Variants in ARHGEF33 observed in about 807,000 individuals in gnomAD.
ARHGEF33 encodes the protein DH and coiled-coil domain-containing protein ENSP00000381780.
ARHGEF33 carries 72 observed loss-of-function variants against 101.9 expected under a neutral mutation model. That is an observed-to-expected ratio of 0.71 (90% CI 0.58 to 0.86). The LOEUF (loss-of-function observed/expected upper bound fraction) is 0.86, where lower values mean the gene tolerates loss of function less well. ARHGEF33 is among the 40% of genes least tolerant of loss of function. The pLI is 0.00. For missense variants in ARHGEF33, 1,169 were observed against 1,111.3 expected, an observed-to-expected ratio of 1.05 and a Z score of -0.74; for synonymous variants, 499 against 442.5, an observed-to-expected ratio of 1.13 and a Z score of -1.60.
intron 8 of ARHGEF33, 108 bp from the exon 9 acceptor site, chr2:38,937,227 T>A: frequency 3.2e-6 from 2 of 630,486 alleles, no homozygotes; most frequent in African/African-American, 1.8e-5. Context: ...ATCTCCTGAC[T>A]TCGTGATCCG....
chr2:38,904,205 G>C (rs1322592420), intron 2 of ARHGEF33, among the ~76,000 whole-genome samples: 1 of 152,178 alleles, frequency 6.6e-6, no homozygotes, highest in Non-Finnish European at 1.5e-5. Flanking sequence ...GCCTACATTA[G>C]ACTTTGGAGA....
chr2:38,911,329 T>C (rs1378041400), intron 2 of ARHGEF33, among the ~76,000 whole-genome samples: 1 of 152,098 alleles, frequency 6.6e-6, no homozygotes, highest in Non-Finnish European at 1.5e-5. Flanking sequence ...TTCTACTAAA[T>C]TAGAAATGTG....
At chr2:38,893,520 T>A (rs1572735137) in intron 1 of ARHGEF33, among the ~76,000 whole-genome samples, 1 of 152,322 alleles carries the variant, frequency 6.6e-6, no homozygotes, top group East Asian at 1.9e-4. Context: ...TCAAATCCTA[T>A]CTTCTTAATG....
intron 9 of ARHGEF33, among the ~76,000 whole-genome samples, chr2:38,943,129 T>C (rs1292085254): frequency 6.6e-6 from 1 of 152,206 alleles, no homozygotes; most frequent in Non-Finnish European, 1.5e-5. Flanking sequence ...GGTTTCGCCA[T>C]GTTAGCCAGG....
rs1572753121 is a variant in ARHGEF33 at position 38,928,949 on chromosome 2, G to A, written c.118G>A (p.Ala40Thr). The part of the protein sequence containing the change: ...ASELKTGFTE[A>T]MQELSRIQHG... Reference sequence around the variant, plus strand: ...CGAACTCAAAACTGGTTTCACAGAAGCAATGCAAGAACTGTCAAGAATTCA... The same window carrying A: ...CGAACTCAAAACTGGTTTCACAGAAACAATGCAAGAACTGTCAAGAATTCA... The change falls in exon 5 of 18, where the codon GCA becomes ACA. Residue 40 changes from alanine (A) to threonine (T), a missense_variant. Coordinates refer to ENST00000409978, the MANE Select transcript of ARHGEF33 (RefSeq NM_001145451.5). 1 of 1,550,862 alleles carries A rather than the reference G, an allele frequency of 6.4e-7. No homozygotes were observed. The highest frequency in any genetic ancestry group is 8.7e-7 in the Non-Finnish European group (1 of 1,146,530).
At chr2:38,935,730 T>C (rs1428159002) in intron 7 of ARHGEF33, 45 bp from the exon 8 acceptor site, 4 of 1,513,386 alleles carry the variant, frequency 2.6e-6, no homozygotes, top group Non-Finnish European at 3.6e-6. Flanking sequence ...GCTTAGTCCA[T>C]GTTAGTGGAA....
chr2:38,934,065 A>AT (rs1013767212), intron 7 of ARHGEF33, among the ~76,000 whole-genome samples: 4 of 151,954 alleles, frequency 2.6e-5, no homozygotes, highest in African/African-American at 7.3e-5. Context: ...TTGAAAACTA[A>AT]TTTTTTTGAA....
rs780366114 is a variant in ARHGEF33 at position 38,960,568 on chromosome 2, G to C, written c.2263G>C (p.Ala755Pro). The C allele has an allele frequency of 7.8e-6, 10 of 1,275,730 alleles. No homozygotes were observed. The African/African-American group carries it at 1.6e-4, about 20-fold the overall frequency. The allele number at this position is 1,275,730 out of a possible 1,614,324, so 79.0% of individuals were successfully genotyped here. A position where few individuals can be genotyped will look rare whatever the true frequency, so the allele number is the denominator to read the frequency against. ...GCACGGCCCGGCCGCCGCCGCCGTC[G>C]CCGCCCGCGGCGCATCCAGGACCTT... The part of the protein sequence containing the change: ...QAHGPAAAAV[A>P]ARGASRTFFP... The change falls in exon 16 of 18, where the codon GCC becomes CCC. Residue 755 changes from alanine (A) to proline (P), a missense_variant. By Grantham distance (27) the Ala-to-Pro change is conservative. Transcript: ENST00000409978.
At chr2:38,922,077 T>C (rs886157050) in intron 4 of ARHGEF33, among the ~76,000 whole-genome samples, 1 of 152,142 alleles carries the variant, frequency 6.6e-6, no homozygotes, top group African/African-American at 2.4e-5. Context: ...GTCCTCTAAG[T>C]GGTATTTACT....
At chr2:38,902,427 G>T (rs1666269039) in intron 2 of ARHGEF33, among the ~76,000 whole-genome samples, 1 of 152,158 alleles carries the variant, frequency 6.6e-6, no homozygotes. Context: ...ACTCTGTAGT[G>T]AAGCATTTTA....
rs1667897348 is a variant in ARHGEF33, at chr2:38,960,477, C to G, written c.2172C>G (p.Arg724=). The change falls in exon 16 of 18, where the codon CGC becomes CGG. Residue 724 remains arginine, a synonymous_variant. Coordinates refer to ENST00000409978, the MANE Select transcript of ARHGEF33 (RefSeq NM_001145451.5). ...RAPPADGVAP[R]LYSTRSSSGG... ...CGCCAGCCGACGGCGTGGCCCCACG[C>G]CTCTACAGCACGCGCAGCAGCAGCG... 6.9e-7 allele frequency: 1 copy of G among 1,441,868 alleles called. No individual in the cohort carries two copies. Among genetic ancestry groups the G allele is most frequent in the African/African-American group, 1.5e-5 (1 of 66,698 alleles). 89.3% of individuals were successfully genotyped at this position (1,441,868 alleles called of 1,614,324 possible).
rs570045859 is a variant in ARHGEF33, at chr2:38,932,118, A to G, written c.505+867A>G. 2.6e-5 allele frequency among the ~76,000 whole-genome samples: 4 copies of G among 152,128 alleles called. No homozygotes were observed. In the South Asian group the frequency reaches 8.3e-4, roughly 32 times the overall value. On this transcript the variant is annotated intron_variant, in intron 7 of 17. Transcript: ENST00000409978. Reference sequence around the variant, plus strand: ...CAAAGTACAGATTTGCCTTTTTAATATTTTTTATTATCATTTTTTTTTGAG... The same window carrying G: ...CAAAGTACAGATTTGCCTTTTTAATGTTTTTTATTATCATTTTTTTTTGAG...
chr2:38,897,915 C>G (rs1666157729), intron 2 of ARHGEF33, among the ~76,000 whole-genome samples: 1 of 152,162 alleles, frequency 6.6e-6, no homozygotes, highest in Non-Finnish European at 1.5e-5. Context: ...CCATGACTGT[C>G]TTCGTGATAG....
At chr2:38,937,041 C>T in intron 8 of ARHGEF33, 2 of 185,630 alleles carry the variant, frequency 1.1e-5, no homozygotes, top group East Asian at 1.4e-4. Context: ...GTCACCCAGG[C>T]TGGAGTGCAA....
At chr2:38,913,295 G>A (rs568023714) in intron 2 of ARHGEF33, among the ~76,000 whole-genome samples, 87 of 152,242 alleles carry the variant, frequency 5.7e-4, no homozygotes, top group African/African-American at 2.0e-3. Flanking sequence ...AATTGAAAAG[G>A]CCTTGAAGAT....
intron 9 of ARHGEF33, among the ~76,000 whole-genome samples, chr2:38,940,933 T>C (rs989187739): frequency 1.3e-5 from 2 of 152,150 alleles, no homozygotes; most frequent in Admixed American, 6.5e-5. Flanking sequence ...ACAGGACTAG[T>C]TGAGTCATGG....
intron 6 of ARHGEF33, 120 bp from the exon 7 acceptor site, chr2:38,930,989 A>G: frequency 1.4e-6 from 1 of 724,536 alleles, no homozygotes; most frequent in South Asian, 3.1e-5. Context: ...CAAAAATAGC[A>G]ATTTATATAG....
chr2:38,944,009 A>G lies in ARHGEF33; in HGVS notation c.899A>G (p.Lys300Arg). 6.4e-7 allele frequency: 1 copy of G among 1,550,464 alleles called. No individual in the cohort carries two copies. ...GCCACATTCCAGGGGTCAGATGGAA[A>G]GAGGAATTCCAAAGAGAGAAGGTAT... is the stretch of plus-strand genomic sequence containing the variant. ...IKATFQGSDGKRNSKERSLFP... is the reference protein window; with the variant it reads ...IKATFQGSDGRRNSKERSLFP... The change falls in exon 10 of 18, where the codon AAG (lysine) becomes AGG (arginine). Residue 300 changes from lysine (K) to arginine (R), a missense_variant. Lys to Arg is a conservative substitution (Grantham distance 26). Coordinates refer to ENST00000409978, the MANE Select transcript of ARHGEF33 (RefSeq NM_001145451.5).
chr2:38,927,898 A>G (rs962926661), intron 4 of ARHGEF33, among the ~76,000 whole-genome samples: 1 of 152,200 alleles, frequency 6.6e-6, no homozygotes, highest in Non-Finnish European at 1.5e-5. Context: ...CATTTGTTCA[A>G]TAAATACAAC....
Sources: gnomAD v4.1 joint callset for allele counts (sites outside exome capture counted in the v4.1 genomes callset) on GRCh38, gnomAD v4.1.1 for gene constraint, MANE v1.5 for transcripts, NCBI Gene and HGNC (gene_info 2026-07-23, HGNC 2026-07-21) for gene names.